Variants in OXNAD1 observed in about 807,000 individuals in gnomAD.
OXNAD1 encodes the protein oxidoreductase NAD binding domain containing 1, also known as oxidoreductase NAD-binding domain-containing protein 1.
In OXNAD1, 34 loss-of-function variants were observed where a neutral mutation model predicts 32.9. That is an observed-to-expected ratio of 1.03 (90% confidence interval 0.79 to 1.38). The LOEUF is 1.38. Among genes scored for constraint, OXNAD1 ranks in the 40% most tolerant of loss-of-function variants. The pLI is 0.00. For synonymous variants in OXNAD1, 134 were observed against 135.2 expected, an observed-to-expected ratio of 0.99 and a Z score of 0.06; for missense variants, 407 against 379.4, an observed-to-expected ratio of 1.07 and a Z score of -0.60.
At chr3:16,325,072 T>C (rs2069561297) in intron 9 of OXNAD1, among the ~76,000 whole-genome samples, 1 of 152,234 alleles carries the variant, frequency 6.6e-6, no homozygotes, top group Non-Finnish European at 1.5e-5. Flanking sequence ...TTTCTTTACA[T>C]GTTACTGCAT....
At position 16,301,258 on chromosome 3, in the gene OXNAD1, C is replaced by T. The variant is rs76918645; in HGVS notation, c.433-368C>T. ...GTTTCTCTCAGCTTTGGTTAGAACA[C>T]AGGAACACAACTCAGATAAAGGAGA... On this transcript the variant is annotated intron_variant, in intron 6 of 8. Coordinates refer to ENST00000285083, the MANE Select transcript of OXNAD1 (RefSeq NM_138381.5). This position sits in a 1 kb window ranked among gnomAD's most constrained non-coding sequence, Gnocchi z 4.1. Among the ~76,000 whole-genome samples, 2 of 152,332 alleles carry T rather than the reference C, an allele frequency of 1.3e-5. No individual in the cohort carries two copies. The highest frequency in any genetic ancestry group is 2.9e-5 in the Non-Finnish European group (2 of 68,026).
chr3:16,323,450 T>C lies in OXNAD1; in HGVS notation c.*31-13662T>C. On this transcript the variant is annotated intron_variant, in intron 9 of 9. Coordinates refer to the OXNAD1 transcript ENST00000435829. The stretch of plus-strand genomic sequence containing the variant: ...AAGACAATCTGCTTGGTGGATACAC[T>C]CCCCTCGCTGTAACACACGGAGCTG... 2 of 1,610,598 alleles carry C rather than the reference T, an allele frequency of 1.2e-6. No homozygotes were observed. The highest frequency in any genetic ancestry group is 1.7e-6 in the Non-Finnish European group (2 of 1,177,110).
downstream of OXNAD1, among the ~76,000 whole-genome samples, chr3:16,342,094 G>A (rs1186836563): frequency 6.6e-6 from 1 of 152,048 alleles, no homozygotes. This position sits in a 1 kb window ranked among gnomAD's most constrained non-coding sequence, Gnocchi z 4.0. Context: ...ACAATTCAGT[G>A]GTTTATAATA....
chr3:16,307,279 G>A (rs1033812548), downstream of OXNAD1, among the ~76,000 whole-genome samples: 8 of 152,272 alleles, frequency 5.3e-5, no homozygotes, highest in South Asian at 2.1e-4. Context: ...GTTTTAGGTC[G>A]CCCCTGCTGT....
chr3:16,311,011 A>AAAAAAAAAAAAAAAAAG (rs1472119686), downstream of OXNAD1, among the ~76,000 whole-genome samples: 2 of 136,178 alleles, frequency 1.5e-5, no homozygotes, highest in Non-Finnish European at 3.1e-5. Flanking sequence ...AAAAAAAAAA[A>AAAAAAAAAAAAAAAAAG]AAATCATCTG....
chr3:16,323,410 C>A (rs1288804740), intron 9 of OXNAD1: 3 of 1,612,352 alleles, frequency 1.9e-6, no homozygotes, highest in East Asian at 2.2e-5. Context: ...CTGAGGTAGA[C>A]AAGGTCTCTG....
At position 16,342,842 on chromosome 3, in the gene OXNAD1, C is replaced by T. The variant is rs187931945; in HGVS notation, c.*31-6334C>T. 6.6e-6 allele frequency among the ~76,000 whole-genome samples: 1 copy of T among 152,232 alleles called. No homozygotes were observed. Among genetic ancestry groups the T allele is most frequent in the Admixed American group, 6.5e-5 (1 of 15,296 alleles). On this transcript the variant is annotated intron_variant, in intron 9 of 9. Transcript: ENST00000606098. This position sits in a 1 kb window ranked among gnomAD's most constrained non-coding sequence, Gnocchi z 4.0. ...CTAGTCCAGTGGCTGCTAGGCCTGG[C>T]TGAATTTTTTACATGCAGTTCCCTA... is the stretch of plus-strand genomic sequence containing the variant.
downstream of OXNAD1, among the ~76,000 whole-genome samples, chr3:16,307,829 T>G (rs2067674049): frequency 6.6e-6 from 1 of 152,340 alleles, no homozygotes; most frequent in Admixed American, 6.5e-5. Flanking sequence ...CCCAAATGTT[T>G]AACGTAGTTG....
downstream of OXNAD1, among the ~76,000 whole-genome samples, chr3:16,338,395 G>T (rs1194833105): frequency 1.3e-5 from 2 of 152,248 alleles, no homozygotes; most frequent in Non-Finnish European, 2.9e-5. This position sits in a 1 kb window ranked among gnomAD's most constrained non-coding sequence, Gnocchi z 5.3. Flanking sequence ...AGGCACTGCA[G>T]TTCTGACTGT....
rs1053905727 is a variant in OXNAD1, at chr3:16,290,558, A to T, written c.290+4110A>T. Reference sequence around the variant, plus strand: ...TAGCTTATTAATGTATTTATTTTTTAAACATGGAAATAATGGAGATTTTTG... The same window carrying T: ...TAGCTTATTAATGTATTTATTTTTTTAACATGGAAATAATGGAGATTTTTG... On this transcript the variant is annotated intron_variant, in intron 5 of 8. Transcript: ENST00000285083. This position sits in a 1 kb window ranked among gnomAD's most constrained non-coding sequence, Gnocchi z 4.2. Among the ~76,000 whole-genome samples, 4 of 152,212 alleles carry T rather than the reference A, an allele frequency of 2.6e-5. No individual in the cohort carries two copies. The highest frequency in any genetic ancestry group is 5.9e-5 in the Non-Finnish European group (4 of 68,038).
intron 9 of OXNAD1, chr3:16,323,449 C>A: frequency 6.2e-7 from 1 of 1,610,910 alleles, no homozygotes; most frequent in African/African-American, 1.3e-5. Context: ...GGTGGATACA[C>A]TCCCCTCGCT....
intron 4 of OXNAD1, among the ~76,000 whole-genome samples, chr3:16,282,601 G>A (rs1273816263): frequency 2.0e-5 from 3 of 152,098 alleles, no homozygotes; most frequent in Admixed American, 2.0e-4. Context: ...GAGGACCTCA[G>A]GCAGGGGGTG....
chr3:16,274,996 A>G (rs77438399), intron 4 of OXNAD1: 4,787 of 152,400 alleles, frequency 0.031, 107 homozygotes, highest in Middle Eastern at 0.082. Flanking sequence ...CCCTTTACAT[A>G]AAGTTTGATT....
intron 9 of OXNAD1, among the ~76,000 whole-genome samples, chr3:16,328,311 G>GT (rs1559817848): frequency 6.6e-6 from 1 of 152,224 alleles, no homozygotes; most frequent in Non-Finnish European, 1.5e-5. Flanking sequence ...GGCAGCGCGC[G>GT]TGACCATGGT....
intron 1 of OXNAD1, 127 bp from the exon 2 acceptor site, chr3:16,268,999 T>G: frequency 2.6e-5 from 18 of 705,472 alleles, no homozygotes; most frequent in Non-Finnish European, 3.4e-5. Context: ...AGGGGGTAAT[T>G]GAGAGTGGGC....
chr3:16,296,600 G>A (rs976294844), intron 6 of OXNAD1, among the ~76,000 whole-genome samples: 1 of 152,128 alleles, frequency 6.6e-6, no homozygotes, highest in Non-Finnish European at 1.5e-5. Context: ...AAACAGTATG[G>A]TATTGGTGAA....
rs690216 is a variant in OXNAD1 at position 16,323,412 on chromosome 3, A to T, written c.*31-13700A>T. 2.7e-5 allele frequency: 43 copies of T among 1,610,810 alleles called. No homozygotes were observed. In the African/African-American group the frequency reaches 3.5e-4, roughly 13 times the overall value. On this transcript the variant is annotated intron_variant, in intron 9 of 9. Transcript: ENST00000435829. ...TCTTCTTGATTTTCTGAGGTAGACA[A>T]GGTCTCTGAAGAAAGACAATCTGCT...
intron 4 of OXNAD1, among the ~76,000 whole-genome samples, chr3:16,281,319 C>G (rs79285804): frequency 1.3e-5 from 2 of 152,132 alleles, no homozygotes. Context: ...GGATAAATAG[C>G]AGTAGGTACA....
Position 16,269,170 on chromosome 3 carries a change from C to T in OXNAD1, c.-114C>T. On this transcript the variant is annotated 5_prime_UTR_variant, in exon 2 of 9. The change creates a premature stop within an existing upstream ORF in the 5' untranslated region. Transcript: ENST00000285083. ...ATGCATGGAAAAGCTGTCCATGTTC[C>T]AACTGCTGTACATCCAAAAGTCTCA... The T allele has an allele frequency of 6.6e-7, 1 of 1,513,742 alleles. No homozygotes were observed. Among genetic ancestry groups the T allele is most frequent in the African/African-American group, 1.4e-5 (1 of 71,720 alleles). 93.8% of individuals were successfully genotyped at this position (1,513,742 alleles called of 1,614,324 possible).
Sources: gnomAD v4.1 joint callset for allele counts (sites outside exome capture counted in the v4.1 genomes callset) on GRCh38, gnomAD v4.1.1 for gene constraint, Gnocchi (gnomAD v3.1) non-coding constraint, MANE v1.5 for transcripts, NCBI Gene and HGNC (gene_info 2026-07-23, HGNC 2026-07-21) for gene names.